Variants in CARMIL1 observed in about 807,000 individuals in gnomAD.
The protein encoded by CARMIL1 is F-actin-uncapping protein LRRC16A.
Under a neutral mutation model 177.1 loss-of-function variants are expected in CARMIL1, and 90 were observed. That is an observed-to-expected ratio of 0.51 (90% confidence interval 0.43 to 0.61). The LOEUF is 0.61. Ranked by LOEUF, CARMIL1 falls within the 20% of genes least tolerant of loss-of-function variation. The pLI is 0.00. For missense variants in CARMIL1, 1,380 were observed against 1,667.0 expected (o/e 0.83, Z 3.00); for synonymous variants, 577 against 606.2 (o/e 0.95, Z 0.71).
At chr6:25,318,869 G>A (rs1477939416) in intron 2 of CARMIL1, among the ~76,000 whole-genome samples, 2 of 152,130 alleles carry the variant, frequency 1.3e-5, no homozygotes, top group East Asian at 1.9e-4. Context: ...CAACAGCAGG[G>A]ACAGATGCAA....
At chr6:25,531,928 AC>A (rs1188409015) in intron 24 of CARMIL1, among the ~76,000 whole-genome samples, 1 of 151,472 alleles carries the variant, frequency 6.6e-6, no homozygotes, top group Non-Finnish European at 1.5e-5. Flanking sequence ...CCATCACCAC[AC>A]CCAGCTAATT....
At chr6:25,366,227 C>T (rs1789779674) in intron 2 of CARMIL1, among the ~76,000 whole-genome samples, 1 of 152,014 alleles carries the variant, frequency 6.6e-6, no homozygotes, top group Admixed American at 6.6e-5. Context: ...AAACTCCTAG[C>T]CTCAAGCAGT....
At chr6:25,390,318 A>ATTTTTTTT (rs1271192027) in intron 2 of CARMIL1, among the ~76,000 whole-genome samples, 3 of 43,690 alleles carry the variant, frequency 6.9e-5, no homozygotes, top group Admixed American at 2.7e-4. Context: ...ATATATATAT[A>ATTTTTTTT]TATTTTTTTT....
chr6:25,440,830 A>G (rs992215363), intron 5 of CARMIL1, among the ~76,000 whole-genome samples: 1 of 151,962 alleles, frequency 6.6e-6, no homozygotes, highest in African/African-American at 2.4e-5. Context: ...CATCAAATTT[A>G]TTTTCTGAGC....
Position 25,426,531 on chromosome 6 carries a change from C to G in CARMIL1, c.220C>G (p.His74Asp), listed in dbSNP as rs1187024368. ...GTTAACCTTCAGCTACTTGGAGATT[C>G]ATGGCGTCGTTTGCAGCAAGTCAGC... ...LELTFSYLEI[H>D]GVVCSKSAQM... Residue 74 changes from histidine (H) to aspartate (D), a missense_variant, in exon 4 of 37, where the codon CAT becomes GAT. Coordinates refer to ENST00000329474, the MANE Select transcript of CARMIL1 (RefSeq NM_017640.6). The G allele has an allele frequency of 1.9e-6, 3 of 1,612,000 alleles. No individual in the cohort carries two copies. The highest frequency in any genetic ancestry group is 1.7e-5 in the Admixed American group (1 of 59,878).
chr6:25,433,133 G>T (rs1246007167), intron 4 of CARMIL1: 4 of 152,044 alleles, frequency 2.6e-5, no homozygotes, highest in Non-Finnish European at 5.9e-5. Flanking sequence ...TCTTACACAG[G>T]GTTGTGTGAG....
At chr6:25,557,582 T>A (rs537120099) in intron 29 of CARMIL1, among the ~76,000 whole-genome samples, 2 of 152,320 alleles carry the variant, frequency 1.3e-5, no homozygotes, top group Non-Finnish European at 2.9e-5. Flanking sequence ...GTTTATGTCT[T>A]ACAAAATGTT....
chr6:25,550,158 A>T (rs1809939685), intron 26 of CARMIL1, among the ~76,000 whole-genome samples: 1 of 152,166 alleles, frequency 6.6e-6, no homozygotes, highest in South Asian at 2.1e-4. Context: ...CACATTCTTC[A>T]ACCGTAAAAT....
At chr6:25,452,990 T>C (rs1007702638) in intron 8 of CARMIL1, among the ~76,000 whole-genome samples, 13 of 152,232 alleles carry the variant, frequency 8.5e-5, no homozygotes, top group Non-Finnish European at 1.9e-4. Context: ...TCTTCTCCTT[T>C]GACTGGGTCT....
chr6:25,556,830 G>A lies in CARMIL1; in HGVS notation c.2722G>A (p.Glu908Lys), dbSNP rs1190123407. 1 of 1,613,314 alleles carries A rather than the reference G, an allele frequency of 6.2e-7. No individual in the cohort carries two copies. The highest frequency in any genetic ancestry group is 8.5e-7 in the Non-Finnish European group (1 of 1,179,588). ...VEELTEIERL[E>K]DLDTCMMTPK... ...GGAGCTAACAGAGATAGAGCGTTTG[G>A]AAGATCTGGATACCTGTATGGTAAG... The change falls in exon 29 of 37, where the codon GAA (glutamate) becomes AAA (lysine). Residue 908 changes from glutamate (E) to lysine (K), a missense_variant. Physicochemically the swap from Glu to Lys is moderately conservative, Grantham distance 56. Transcript: ENST00000329474.
chr6:25,581,131 T>C, intron 30 of CARMIL1, 112 bp from the exon 31 acceptor site: 1 of 1,264,386 alleles, frequency 7.9e-7, no homozygotes, highest in Non-Finnish European at 1.1e-6. Flanking sequence ...TGTGAATGTG[T>C]GTTTGCTATT....
At chr6:25,471,297 ACT>A (rs1801077773) in intron 10 of CARMIL1, 40 bp downstream of exon 10, 2 of 1,423,532 alleles carry the variant, frequency 1.4e-6, no homozygotes, top group Non-Finnish European at 1.9e-6. Context: ...TTGCTTTAAA[ACT>A]CTGTGCCATT....
chr6:25,355,479 T>G (rs181041528), intron 2 of CARMIL1, among the ~76,000 whole-genome samples: 1 of 151,996 alleles, frequency 6.6e-6, no homozygotes, highest in Non-Finnish European at 1.5e-5. Context: ...TCTGTCTTTA[T>G]GAAAAAAGAA....
chr6:25,448,216 C>T (rs920627548), intron 5 of CARMIL1, among the ~76,000 whole-genome samples: 12 of 152,300 alleles, frequency 7.9e-5, no homozygotes, highest in East Asian at 1.9e-4. Flanking sequence ...CTAATCATCA[C>T]GTACTCATCT....
chr6:25,304,961 A>G (rs767526520), intron 2 of CARMIL1, among the ~76,000 whole-genome samples: 12 of 152,306 alleles, frequency 7.9e-5, no homozygotes, highest in African/African-American at 2.6e-4. Context: ...TTAAAATCCA[A>G]TTAGGAGGTC....
At chr6:25,579,514 T>C (rs1286541003) in intron 29 of CARMIL1, among the ~76,000 whole-genome samples, 1 of 152,234 alleles carries the variant, frequency 6.6e-6, no homozygotes, top group African/African-American at 2.4e-5. Flanking sequence ...GGCAGGCCAC[T>C]AACTTCTTCA....
At chr6:25,547,678 TG>T (rs1164517178) in intron 26 of CARMIL1, among the ~76,000 whole-genome samples, 1 of 152,184 alleles carries the variant, frequency 6.6e-6, no homozygotes, top group Non-Finnish European at 1.5e-5. Flanking sequence ...ACTTTGTATC[TG>T]GAGTCTGATG....
chr6:25,285,034 C>A lies in CARMIL1; in HGVS notation c.138+125C>A, dbSNP rs533532432. Reference sequence around the variant, plus strand: ...ATATATTGTTCAAAAGTTCTGATGACCATTTTGTCTTAGGTTAATTGGAAT... The same window carrying A: ...ATATATTGTTCAAAAGTTCTGATGAACATTTTGTCTTAGGTTAATTGGAAT... On this transcript the variant is annotated intron_variant, in intron 2 of 36. Coordinates refer to ENST00000329474, the MANE Select transcript of CARMIL1 (RefSeq NM_017640.6). 5.4e-5 allele frequency: 33 copies of A among 611,944 alleles called. 1 individual carries two copies. In the East Asian group the frequency reaches 9.1e-4, roughly 17 times the overall value. The allele number at this position is 611,944 out of a possible 1,614,324, so 37.9% of individuals were successfully genotyped here.
chr6:25,332,787 A>ACACACACACACG (rs1554165998), intron 2 of CARMIL1, among the ~76,000 whole-genome samples: 1 of 146,690 alleles, frequency 6.8e-6, no homozygotes, highest in African/African-American at 2.5e-5. Flanking sequence ...ACACACACAC[A>ACACACACACACG]CACACTTCTT....
Sources: allele counts gnomAD v4.1 joint callset (sites outside exome capture counted in the v4.1 genomes callset), GRCh38; gene constraint gnomAD v4.1.1; transcripts MANE v1.5; gene names NCBI Gene and HGNC (gene_info 2026-07-23, HGNC 2026-07-21).